The following ATP6V1A variants were observed in gnomAD, a reference collection of about 807,000 sequenced individuals.
ATP6V1A encodes ATPase H+ transporting V1 subunit A.
In ATP6V1A, 18 loss-of-function variants were observed where a neutral mutation model predicts 70.1. The observed-to-expected ratio is 0.26, with a 90% confidence interval of 0.18 to 0.38. The LOEUF (loss-of-function observed/expected upper bound fraction) is 0.38, where lower values mean the gene tolerates loss of function less well. Ranked by LOEUF, ATP6V1A falls within the 10% of genes least tolerant of loss-of-function variation. The pLI, the probability that ATP6V1A is intolerant of heterozygous loss-of-function variation, is 1.00. For missense variants in ATP6V1A, 424 were observed against 772.4 expected (o/e 0.55, Z 5.35); for synonymous variants, 232 against 253.8 (o/e 0.91, Z 0.82).
chr3:113,764,645 A>G (rs1254074866), intron 1 of ATP6V1A, among the ~76,000 whole-genome samples: 2 of 152,208 alleles, frequency 1.3e-5, no homozygotes, highest in Admixed American at 6.5e-5. Flanking sequence ...CTTTAAATCA[A>G]TAGGATCTTC....
chr3:113,767,233 A>G (rs1269476879), intron 1 of ATP6V1A, among the ~76,000 whole-genome samples: 1 of 151,848 alleles, frequency 6.6e-6, no homozygotes, highest in African/African-American at 2.4e-5. Context: ...CTGGGATTAC[A>G]GGCACACGCC....
chr3:113,795,997 G>T, intron 11 of ATP6V1A, 58 bp downstream of exon 11: 1 of 1,409,098 alleles, frequency 7.1e-7, no homozygotes, highest in Non-Finnish European at 9.8e-7. Context: ...TGCAGCCCCT[G>T]CTGTTCTAAT....
In ATP6V1A at chr3:113,805,343, A is replaced by G. The variant is rs866196140; in HGVS notation, c.1590-11A>G. 1 of 1,610,752 alleles carries G rather than the reference A, an allele frequency of 6.2e-7. No homozygotes were observed. Among genetic ancestry groups the G allele is most frequent in the Non-Finnish European group, 8.5e-7 (1 of 1,179,146 alleles). On this transcript the variant is annotated splice_polypyrimidine_tract_variant and intron_variant, in intron 13 of 14. Coordinates refer to ENST00000273398, the MANE Select transcript of ATP6V1A (RefSeq NM_001690.4). ...ATTTTTGTTAATTTTTTGGACCTTC[A>G]TTTATTCTAGGTTCTGCCCATTCTA... is the stretch of plus-strand genomic sequence containing the variant.
intron 1 of ATP6V1A, among the ~76,000 whole-genome samples, chr3:113,771,328 C>G (rs569724879): frequency 1.3e-5 from 2 of 151,594 alleles, no homozygotes; most frequent in East Asian, 1.9e-4. Context: ...TACCAAAATG[C>G]TATATGTTTA....
At chr3:113,807,632 A>ATGTAACTTGATCCAAATAT (rs1709290967) in intron 14 of ATP6V1A, among the ~76,000 whole-genome samples, 1 of 152,188 alleles carries the variant, frequency 6.6e-6, no homozygotes, top group South Asian at 2.1e-4. Flanking sequence ...AAACTTCCAT[A>ATGTAACTTGATCCAAATAT]TGTAACTTGA....
Position 113,778,793 on chromosome 3 carries a change from A to G in ATP6V1A, c.40A>G (p.Lys14Glu), listed in dbSNP as rs1398880626. Residue 14 changes from lysine to glutamate, a missense_variant, in exon 2 of 15, where the codon AAA becomes GAA. By Grantham distance (56) the Lys-to-Glu change is moderately conservative. This residue lies in a region of ATP6V1A where 21 missense variants were observed against 20.4 expected (regional missense o/e 1.03). Transcript: ENST00000273398. The part of the protein sequence containing the change: ...SKLPKILDED[K>E]ESTFGYVHGV... ...GCTACCCAAAATACTCGATGAAGAT[A>G]AAGAAAGCACATTTGGTTATGTGCA... 6.3e-7 allele frequency: 1 copy of G among 1,595,376 alleles called. No individual in the cohort carries two copies. The highest frequency in any genetic ancestry group is 1.3e-5 in the African/African-American group (1 of 74,216).
At chr3:113,791,058 C>T (rs955986237) in intron 8 of ATP6V1A, among the ~76,000 whole-genome samples, 1 of 152,026 alleles carries the variant, frequency 6.6e-6, no homozygotes. Context: ...TTTCTGGATA[C>T]ATAATGTGCC....
chr3:113,790,228 G>A (rs920815308), intron 8 of ATP6V1A, among the ~76,000 whole-genome samples: 9 of 150,588 alleles, frequency 6.0e-5, no homozygotes, highest in Non-Finnish European at 7.4e-5. Flanking sequence ...GCTTGAATCC[G>A]GGAGGCAGAG....
intron 12 of ATP6V1A, among the ~76,000 whole-genome samples, chr3:113,801,918 C>CAAAA (rs1383140385): frequency 8.1e-5 from 6 of 73,906 alleles, no homozygotes; most frequent in South Asian, 3.9e-4. Context: ...AAGGGATTTA[C>CAAAA]AAAAAAAAAA....
intron 1 of ATP6V1A, among the ~76,000 whole-genome samples, chr3:113,755,914 C>T (rs184239672): frequency 6.6e-6 from 1 of 152,264 alleles, no homozygotes; most frequent in East Asian, 1.9e-4. Context: ...CACATTGATA[C>T]AGTTAAAACT....
chr3:113,783,809 CAT>C (rs1444445491), intron 3 of ATP6V1A, among the ~76,000 whole-genome samples: 4 of 152,176 alleles, frequency 2.6e-5, no homozygotes, highest in East Asian at 1.9e-4. Flanking sequence ...AAGCAGGTAT[CAT>C]GTGACAATCA....
At chr3:113,771,648 A>C (rs1414611590) in intron 1 of ATP6V1A, among the ~76,000 whole-genome samples, 1 of 152,046 alleles carries the variant, frequency 6.6e-6, no homozygotes, top group Non-Finnish European at 1.5e-5. Context: ...CATGTTAGCC[A>C]GGATGGTCTC....
intron 13 of ATP6V1A, 120 bp downstream of exon 13, chr3:113,803,797 T>C (rs1030654387): frequency 5.9e-6 from 4 of 674,082 alleles, no homozygotes; most frequent in Admixed American, 3.0e-5. Flanking sequence ...ACTTAGTAGA[T>C]TGGTTTATTT....
chr3:113,778,625 TAACTC>T (rs1318349708), intron 1 of ATP6V1A, 111 bp from the exon 2 acceptor site: 2 of 509,418 alleles, frequency 3.9e-6, no homozygotes, highest in Admixed American at 4.2e-5. Context: ...AGAAGTATAA[TAACTC>T]AAGAATACAC....
chr3:113,808,174 T>C (rs1165551332), intron 14 of ATP6V1A, among the ~76,000 whole-genome samples: 1 of 151,262 alleles, frequency 6.6e-6, no homozygotes, highest in East Asian at 1.9e-4. Context: ...TTTCCAGTTA[T>C]TGGTGTGGAC....
intron 8 of ATP6V1A, among the ~76,000 whole-genome samples, chr3:113,793,336 T>C (rs999993098): frequency 1.3e-5 from 2 of 152,204 alleles, no homozygotes; most frequent in African/African-American, 4.8e-5. Flanking sequence ...GTGCTGGGAT[T>C]ACAGGCTTGA....
At chr3:113,787,543 A>G (rs1366136260) in intron 6 of ATP6V1A, among the ~76,000 whole-genome samples, 1 of 152,188 alleles carries the variant, frequency 6.6e-6, no homozygotes, top group African/African-American at 2.4e-5. Flanking sequence ...TGATTTTGTG[A>G]TGTACAAAGT....
chr3:113,756,966 A>G (rs1708652839), intron 1 of ATP6V1A, among the ~76,000 whole-genome samples: 1 of 152,216 alleles, frequency 6.6e-6, no homozygotes, highest in African/African-American at 2.4e-5. Context: ...TGAGGTAGCG[A>G]GGAGCTTTAT....
intron 1 of ATP6V1A, among the ~76,000 whole-genome samples, chr3:113,749,170 G>A (rs995630325): frequency 6.6e-6 from 1 of 151,948 alleles, no homozygotes; most frequent in Non-Finnish European, 1.5e-5. Flanking sequence ...CAATAACTTA[G>A]ACCACTGATG....
Sources: allele counts gnomAD v4.1 joint callset (sites outside exome capture counted in the v4.1 genomes callset), GRCh38; gene constraint gnomAD v4.1.1; regional missense constraint gnomAD v4.1.1; transcripts MANE v1.5; gene names NCBI Gene and HGNC (gene_info 2026-07-23, HGNC 2026-07-21).